The following RAD51B variants were observed in gnomAD, a reference collection of about 807,000 sequenced individuals.
RAD51B encodes the protein RAD51 paralog B, also known as DNA repair protein RAD51 homolog 2.
In RAD51B, 38 loss-of-function variants were observed where a neutral mutation model predicts 42.2. The ratio of observed to expected loss-of-function variants is 0.90; its 90% confidence interval spans 0.70 to 1.18. The LOEUF is 1.18. Among genes scored for constraint, RAD51B ranks in the 50% most tolerant of loss-of-function variants. The pLI, the probability that RAD51B is intolerant of heterozygous loss-of-function variation, is 0.00. For synonymous variants in RAD51B, 154 were observed against 145.2 expected (o/e 1.06, Z -0.43); for missense variants, 373 against 400.7 (o/e 0.93, Z 0.59).
intron 7 of RAD51B, among the ~76,000 whole-genome samples, chr14:68,269,242 A>G (rs972845678): frequency 2.6e-5 from 4 of 152,258 alleles, no homozygotes; most frequent in African/African-American, 4.8e-5. Flanking sequence ...ATTTTAAAAC[A>G]TAAACCAGAT....
At chr14:68,241,789 C>A (rs2080394142) in intron 7 of RAD51B, among the ~76,000 whole-genome samples, 1 of 152,120 alleles carries the variant, frequency 6.6e-6, no homozygotes, top group Non-Finnish European at 1.5e-5. Flanking sequence ...GATTCCCCTG[C>A]CCAGTCATGT....
At chr14:67,941,637 G>C (rs939648110) in intron 7 of RAD51B, among the ~76,000 whole-genome samples, 4 of 152,180 alleles carry the variant, frequency 2.6e-5, no homozygotes, top group African/African-American at 9.7e-5. Context: ...TCTGTGTCAG[G>C]ACTGGGGGTT....
intron 7 of RAD51B, among the ~76,000 whole-genome samples, chr14:68,154,640 A>G (rs999102000): frequency 6.6e-6 from 1 of 151,252 alleles, no homozygotes; most frequent in Non-Finnish European, 1.5e-5. Context: ...TCTTCATGCA[A>G]CACAACCTAG....
At chr14:68,270,318 G>T (rs918264653) in intron 7 of RAD51B, among the ~76,000 whole-genome samples, 74 of 152,348 alleles carry the variant, frequency 4.9e-4, no homozygotes, top group East Asian at 3.9e-4. Context: ...AAAATTCAGT[G>T]TCTAGCCTTA....
At chr14:68,030,834 C>A in intron 7 of RAD51B, among the ~76,000 whole-genome samples, 1 of 152,182 alleles carries the variant, frequency 6.6e-6, no homozygotes. Context: ...ACATGCAACT[C>A]TTCCTTTAAC....
chr14:68,507,230 C>T (rs776001491), intron 10 of RAD51B, among the ~76,000 whole-genome samples: 1 of 152,126 alleles, frequency 6.6e-6, no homozygotes, highest in Non-Finnish European at 1.5e-5. Flanking sequence ...CTTCATTGCT[C>T]CAGTGCTGTT....
intron 10 of RAD51B, among the ~76,000 whole-genome samples, chr14:68,528,546 A>T (rs1887081573): frequency 6.6e-6 from 1 of 152,248 alleles, no homozygotes; most frequent in East Asian, 1.9e-4. Context: ...ATTACTAAAC[A>T]TCTTGACCAG....
intron 8 of RAD51B, among the ~76,000 whole-genome samples, chr14:68,402,396 G>A (rs1168736069): frequency 6.6e-6 from 1 of 152,196 alleles, no homozygotes; most frequent in Non-Finnish European, 1.5e-5. Context: ...TGCTCAGCAA[G>A]TGCCAGGGGC....
intron 7 of RAD51B, among the ~76,000 whole-genome samples, chr14:68,286,073 T>G (rs912498443): frequency 2.6e-5 from 4 of 152,222 alleles, no homozygotes; most frequent in Non-Finnish European, 5.9e-5. Flanking sequence ...ATTTATTTGT[T>G]TATTACTTTT....
intron 7 of RAD51B, among the ~76,000 whole-genome samples, chr14:68,256,828 T>C (rs911664901): frequency 2.0e-5 from 3 of 152,128 alleles, no homozygotes; most frequent in Admixed American, 1.3e-4. Flanking sequence ...AGCGATTGAA[T>C]AGAATCAGAT....
intron 8 of RAD51B, among the ~76,000 whole-genome samples, chr14:68,318,732 C>T (rs1392452135): frequency 6.6e-6 from 1 of 152,132 alleles, no homozygotes. Flanking sequence ...TTGGGCCTTG[C>T]CCCTTAAGCC....
chr14:68,666,945 C>A (rs1893043930), intron 11 of RAD51B, among the ~76,000 whole-genome samples: 1 of 152,124 alleles, frequency 6.6e-6, no homozygotes, highest in Admixed American at 6.5e-5. Flanking sequence ...CAGGGTTGGC[C>A]TTTTAAAGCA....
intron 8 of RAD51B, among the ~76,000 whole-genome samples, chr14:68,304,689 A>G (rs1240429433): frequency 6.6e-6 from 1 of 152,204 alleles, no homozygotes; most frequent in Non-Finnish European, 1.5e-5. Flanking sequence ...GCCACAAACC[A>G]TCTGTACTAT....
At chr14:68,355,279 T>G (rs1420334239) in intron 8 of RAD51B, among the ~76,000 whole-genome samples, 3 of 152,248 alleles carry the variant, frequency 2.0e-5, no homozygotes, top group African/African-American at 7.2e-5. Flanking sequence ...GAGTGGTAGG[T>G]TAGCTCCAAT....
intron 10 of RAD51B, chr14:68,497,408 G>A: frequency 8.9e-7 from 1 of 1,129,400 alleles, no homozygotes; most frequent in Non-Finnish European, 1.1e-6. Context: ...TTGATACCAT[G>A]GCACTGACAA....
At chr14:68,392,417 CT>C (rs2083784761) in intron 8 of RAD51B, among the ~76,000 whole-genome samples, 1 of 152,168 alleles carries the variant, frequency 6.6e-6, no homozygotes, top group Non-Finnish European at 1.5e-5. Flanking sequence ...TATGACCCTT[CT>C]AGTCTTCTGT....
At chr14:68,083,631 A>G (rs1395255516) in intron 7 of RAD51B, among the ~76,000 whole-genome samples, 1 of 152,200 alleles carries the variant, frequency 6.6e-6, no homozygotes, top group Non-Finnish European at 1.5e-5. Flanking sequence ...ACTGATATAT[A>G]TTAGCATTGG....
chr14:67,962,949 A>G (rs534046651), intron 7 of RAD51B, among the ~76,000 whole-genome samples: 55 of 152,250 alleles, frequency 3.6e-4, no homozygotes, highest in African/African-American at 1.3e-3. Flanking sequence ...ACTGTCTCAA[A>G]TGTAAAGTAG....
chr14:68,506,526 C>T (rs1035568222), intron 10 of RAD51B, among the ~76,000 whole-genome samples: 50 of 152,248 alleles, frequency 3.3e-4, no homozygotes, highest in African/African-American at 1.2e-3. Context: ...TGTGGCTGTG[C>T]GTGCGCGTGC....
Sources: allele counts gnomAD v4.1 joint callset (sites outside exome capture counted in the v4.1 genomes callset), GRCh38; gene constraint gnomAD v4.1.1; transcripts MANE v1.5; gene names NCBI Gene and HGNC (gene_info 2026-07-23, HGNC 2026-07-21).